Variants in EEFSEC observed in about 807,000 individuals in gnomAD.
EEFSEC encodes selenocysteine-specific elongation factor.
Under a neutral mutation model 42.1 loss-of-function variants are expected in EEFSEC, and 43 were observed. That is an observed-to-expected ratio of 1.02 (90% confidence interval 0.80 to 1.32). The LOEUF (loss-of-function observed/expected upper bound fraction) is 1.32, where lower values mean the gene tolerates loss of function less well. Among genes scored for constraint, EEFSEC ranks in the 40% most tolerant of loss-of-function variants. The pLI is 0.00. For synonymous variants in EEFSEC, 354 were observed against 339.1 expected (o/e 1.04, Z -0.48); for missense variants, 745 against 803.6 (o/e 0.93, Z 0.88).
intron 4 of EEFSEC, among the ~76,000 whole-genome samples, chr3:128,272,058 C>T (rs1290988428): frequency 6.6e-6 from 1 of 152,202 alleles, no homozygotes; most frequent in Non-Finnish European, 1.5e-5. Context: ...CAGATAGGCT[C>T]AGGGCTGGAG....
chr3:128,391,437 T>C (rs1436808192), intron 6 of EEFSEC, among the ~76,000 whole-genome samples: 1 of 152,214 alleles, frequency 6.6e-6, no homozygotes, highest in African/African-American at 2.4e-5. Context: ...TTCTGGGCCC[T>C]GGCTGGTGAC....
intron 4 of EEFSEC, among the ~76,000 whole-genome samples, chr3:128,299,561 T>C (rs1311616811): frequency 1.3e-5 from 2 of 152,230 alleles, no homozygotes; most frequent in African/African-American, 2.4e-5. Context: ...GCTCAGGAAC[T>C]ACTTGTTGAG....
intron 6 of EEFSEC, among the ~76,000 whole-genome samples, chr3:128,363,121 G>T (rs1258999537): frequency 6.6e-6 from 1 of 152,250 alleles, no homozygotes; most frequent in Non-Finnish European, 1.5e-5. Flanking sequence ...CAGTTGGGCT[G>T]CCCGCTGTAC....
At chr3:128,386,775 G>C (rs1052920266) in intron 6 of EEFSEC, among the ~76,000 whole-genome samples, 5 of 152,092 alleles carry the variant, frequency 3.3e-5, no homozygotes, top group East Asian at 1.9e-4. Flanking sequence ...GAGGTGCCAG[G>C]CTCCTTTAAA....
At chr3:128,153,914 C>T (rs1035443316) in intron 1 of EEFSEC, 91 bp downstream of exon 1, 43 of 1,411,722 alleles carry the variant, frequency 3.0e-5, no homozygotes, top group Admixed American at 1.3e-4. Flanking sequence ...TTTGCCGGGA[C>T]GGGAAATCGC....
At chr3:128,214,593 C>G (rs2065790893) in intron 1 of EEFSEC, among the ~76,000 whole-genome samples, 1 of 152,074 alleles carries the variant, frequency 6.6e-6, no homozygotes, top group African/African-American at 2.4e-5. Flanking sequence ...AATGAGGTGG[C>G]TAAATTGAAA....
intron 3 of EEFSEC, 60 bp from the exon 4 acceptor site, chr3:128,264,557 C>T: frequency 6.4e-7 from 1 of 1,570,064 alleles, no homozygotes; most frequent in South Asian, 1.2e-5. Flanking sequence ...CTGCCTTCCT[C>T]TGCCCTGCCC....
At chr3:128,297,457 A>G (rs984777547) in intron 4 of EEFSEC, among the ~76,000 whole-genome samples, 1 of 152,200 alleles carries the variant, frequency 6.6e-6, no homozygotes, top group African/African-American at 2.4e-5. Flanking sequence ...TCAAGATGCC[A>G]TCAGGAGGAA....
At chr3:128,336,992 C>T (rs1212198421) in intron 4 of EEFSEC, 3 of 152,128 alleles carry the variant, frequency 2.0e-5, no homozygotes, top group South Asian at 2.1e-4. Flanking sequence ...TGGACATTAG[C>T]GAATGTTTGA....
chr3:128,378,157 C>A (rs1451863729), intron 6 of EEFSEC, among the ~76,000 whole-genome samples: 1 of 152,184 alleles, frequency 6.6e-6, no homozygotes, highest in Admixed American at 6.5e-5. Flanking sequence ...ATACTCGTCA[C>A]CCCAACCCTG....
chr3:128,409,411 A>G (rs3828417), downstream of EEFSEC, among the ~76,000 whole-genome samples: 40,111 of 151,906 alleles, frequency 0.26, 10,164 homozygotes, highest in African/African-American at 0.66. Context: ...TGGGTGGGGA[A>G]CAGGCAGTTA....
At chr3:128,281,716 A>G (rs991923816) in intron 4 of EEFSEC, among the ~76,000 whole-genome samples, 6 of 152,166 alleles carry the variant, frequency 3.9e-5, no homozygotes, top group South Asian at 2.1e-4. Flanking sequence ...GGCTGGTTCA[A>G]GCATGTCCTA....
At chr3:128,349,354 C>G (rs1270231956) in intron 5 of EEFSEC, among the ~76,000 whole-genome samples, 2 of 152,190 alleles carry the variant, frequency 1.3e-5, no homozygotes, top group Admixed American at 6.5e-5. Flanking sequence ...TCTCACCTAC[C>G]CTTCTGTATC....
intron 1 of EEFSEC, among the ~76,000 whole-genome samples, chr3:128,236,846 TCTC>T (rs760591692): frequency 6.6e-5 from 10 of 152,244 alleles, no homozygotes; most frequent in African/African-American, 9.6e-5. Flanking sequence ...GGAGCCTACT[TCTC>T]CTGCTCTTTC....
chr3:128,237,369 G>A (rs548057929), intron 1 of EEFSEC, among the ~76,000 whole-genome samples: 1 of 151,692 alleles, frequency 6.6e-6, no homozygotes, highest in South Asian at 2.1e-4. Flanking sequence ...CTTTCTTTCA[G>A]TACTTTTTTG....
At chr3:128,267,185 A>T (rs888050468) in intron 4 of EEFSEC, among the ~76,000 whole-genome samples, 4 of 152,084 alleles carry the variant, frequency 2.6e-5, no homozygotes, top group African/African-American at 9.7e-5. Flanking sequence ...GAGGGCATGG[A>T]GAAGGGCTGA....
Position 128,346,187 on chromosome 3 carries a change from C to T in EEFSEC, c.1443+4298C>T, listed in dbSNP as rs554286787. On this transcript the variant is annotated intron_variant, in intron 5 of 6. Transcript: ENST00000254730. ...AGTATTACATAGAGCAAACTATGGC[C>T]CATGGGCCAAACCTAAACAACTGCT... Among the ~76,000 whole-genome samples, 32 of 152,286 alleles carry T rather than the reference C, an allele frequency of 2.1e-4. No homozygotes were observed. In the South Asian group the frequency reaches 6.6e-3, roughly 32 times the overall value.
chr3:128,157,909 A>G (rs886115964), intron 1 of EEFSEC, among the ~76,000 whole-genome samples: 3 of 152,248 alleles, frequency 2.0e-5, no homozygotes, highest in African/African-American at 7.2e-5. Flanking sequence ...TGCCCAAGAT[A>G]ATAATTCCTC....
chr3:128,358,249 C>T lies in EEFSEC; in HGVS notation c.1476C>T (p.Ser492=). The change falls in exon 6 of 7, where the codon TCC becomes TCT. Residue 492 remains serine (S), a synonymous_variant. Coordinates refer to ENST00000254730, the MANE Select transcript of EEFSEC (RefSeq NM_021937.5). ...ATGACTACAGTGTGATCGGCCGCTC[C>T]CTGTTCAAAAAGGAAACCAACATCC... ...AMDDYSVIGR[S]LFKKETNIQL... 1.2e-6 allele frequency: 2 copies of T among 1,614,170 alleles called. No individual in the cohort carries two copies. Among genetic ancestry groups the T allele is most frequent in the Non-Finnish European group, 1.7e-6 (2 of 1,180,012 alleles).
Sources: allele counts gnomAD v4.1 joint callset (sites outside exome capture counted in the v4.1 genomes callset), GRCh38; gene constraint gnomAD v4.1.1; transcripts MANE v1.5; gene names NCBI Gene and HGNC (gene_info 2026-07-23, HGNC 2026-07-21).